The following SBNO1 variants were observed in gnomAD, a reference collection of about 807,000 sequenced individuals.
SBNO1 encodes protein strawberry notch homolog 1.
In SBNO1, 23 loss-of-function variants were observed where a neutral mutation model predicts 173.6. That is an observed-to-expected ratio of 0.13 (90% CI 0.10 to 0.19). The LOEUF is 0.19. SBNO1 is among the 10% of genes least tolerant of loss of function. The pLI is 1.00. For missense variants in SBNO1, 1,238 were observed against 1,671.2 expected, an observed-to-expected ratio of 0.74 and a Z score of 4.52; for synonymous variants, 632 against 571.5, an observed-to-expected ratio of 1.11 and a Z score of -1.51.
In SBNO1 at chr12:123,296,012, T is replaced by A; in HGVS notation, c.4078A>T (p.Asn1360Tyr). 2 of 1,613,918 alleles carry A rather than the reference T, an allele frequency of 1.2e-6. No individual in the cohort carries two copies. The highest frequency in any genetic ancestry group is 1.7e-6 in the Non-Finnish European group (2 of 1,179,848). The change falls in exon 32 of 32, where the codon AAT becomes TAT. Residue 1360 changes from asparagine (N) to tyrosine (Y), a missense_variant. This residue lies in a region of SBNO1 where 351 missense variants were observed against 420.3 expected (regional missense o/e 0.84). Transcript: ENST00000602398. ...IPANCVSPLV[N>Y]LLSTSDQSQQ... The stretch of plus-strand genomic sequence containing the variant: ...GACTGGTCTGAAGTTGATAGGAGAT[T>A]TACAAGAGGAGACACACAATTTGCC...
At chr12:123,341,266 T>C (rs531530647) in intron 4 of SBNO1, among the ~76,000 whole-genome samples, 178 bp from the exon 5 acceptor site, 101 of 151,970 alleles carry the variant, frequency 6.6e-4, no homozygotes, top group Admixed American at 4.9e-3. Flanking sequence ...CTGGCCAAGA[T>C]TGTGAAACCG....
At chr12:123,333,022 G>T (rs12824685) in intron 7 of SBNO1, among the ~76,000 whole-genome samples, 23,440 of 152,088 alleles carry the variant, frequency 0.15, 2,304 homozygotes, top group Middle Eastern at 0.26. Context: ...TACTCGGGAG[G>T]CTGAGGCAGA....
chr12:123,315,239 AG>A, intron 23 of SBNO1, 133 bp downstream of exon 23: 1 of 651,792 alleles, frequency 1.5e-6, no homozygotes, highest in African/African-American at 1.8e-5. Context: ...TCTGTCTTAT[AG>A]GAAGCCATGA....
rs373643335 is a variant in SBNO1, at chr12:123,346,682, G to C, written c.238-1112C>G. Among the ~76,000 whole-genome samples the C allele has an allele frequency of 4.0e-5, 6 of 150,982 alleles. No homozygotes were observed. In the South Asian group the frequency reaches 6.3e-4, roughly 16 times the overall value. Reference sequence around the variant, plus strand: ...CCATCTCAAAAAATAAAAAATAAAAGAATAAAAATAATAAAGTCTACTATT... The same window carrying C: ...CCATCTCAAAAAATAAAAAATAAAACAATAAAAATAATAAAGTCTACTATT... On this transcript the variant is annotated intron_variant, in intron 3 of 31. Coordinates refer to ENST00000602398, the MANE Select transcript of SBNO1 (RefSeq NM_001167856.3).
At chr12:123,331,441 A>G in intron 7 of SBNO1, 66 bp from the exon 8 acceptor site, 1 of 1,440,754 alleles carries the variant, frequency 6.9e-7, no homozygotes, top group Non-Finnish European at 9.4e-7. Context: ...TCTTTCATAC[A>G]CTGTTTTAGG....
In SBNO1 at chr12:123,293,258, T is replaced by G. The variant is rs1210231159; in HGVS notation, c.*2650A>C. 6.6e-6 allele frequency: 1 copy of G among 152,158 alleles called. No homozygotes were observed. The highest frequency in any genetic ancestry group is 1.5e-5 in the Non-Finnish European group (1 of 68,056). 9.4% of individuals were successfully genotyped at this position (152,158 alleles called of 1,614,324 possible). On this transcript the variant is annotated 3_prime_UTR_variant, in exon 32 of 32. Coordinates refer to ENST00000602398, the MANE Select transcript of SBNO1 (RefSeq NM_001167856.3). ...TTGTATTTTTTGGTACAGATGGGGT[T>G]TTGCCATGTGGACCAGGCTGGTCTC...
chr12:123,312,341 T>A (rs1868683524), intron 24 of SBNO1, among the ~76,000 whole-genome samples: 1 of 152,184 alleles, frequency 6.6e-6, no homozygotes, highest in African/African-American at 2.4e-5. Context: ...TGAACACCTC[T>A]AACTGGTATG....
In SBNO1 at chr12:123,295,132, T is replaced by C. The variant is rs550241982; in HGVS notation, c.*776A>G. 1.3e-5 allele frequency: 2 copies of C among 152,274 alleles called. No individual in the cohort carries two copies. Among genetic ancestry groups the C allele is most frequent in the African/African-American group, 4.8e-5 (2 of 41,556 alleles). 9.4% of individuals were successfully genotyped at this position (152,274 alleles called of 1,614,324 possible). On this transcript the variant is annotated 3_prime_UTR_variant, in exon 32 of 32. Transcript: ENST00000602398. ...ACTATTAATACATTAAAATTAACTT[T>C]TAAGAGTTTTATCACAGAAAAATGT... is the stretch of plus-strand genomic sequence containing the variant.
chr12:123,363,048 T>C (rs1442017343), intron 1 of SBNO1, among the ~76,000 whole-genome samples: 1 of 152,152 alleles, frequency 6.6e-6, no homozygotes, highest in African/African-American at 2.4e-5. Flanking sequence ...ACCACGTCAC[T>C]GCACTTCAGC....
intron 7 of SBNO1, 104 bp downstream of exon 7, chr12:123,333,943 ATTACAT>A: frequency 1.5e-6 from 1 of 652,266 alleles, no homozygotes; most frequent in Non-Finnish European, 2.4e-6. Flanking sequence ...TTTCATAAAT[ATTACAT>A]TTACAAGGTT....
At position 123,345,315 on chromosome 12, in the gene SBNO1, C is replaced by T. The variant is rs768699978; in HGVS notation, c.493G>A (p.Glu165Lys). Residue 165 changes from glutamate (E) to lysine (K), a missense_variant, in exon 4 of 32, where the codon GAA (glutamate) becomes AAA (lysine). Glu to Lys is a moderately conservative substitution (Grantham distance 56, BLOSUM62 1). Transcript: ENST00000602398. ...GCAGGTGGCTTTAGTTTCATCAGTT[C>T]ATTAAGACTATTATTTTTCAGTAGA... is the stretch of plus-strand genomic sequence containing the variant. ...KDLLKNNSLNELMKLKPPANI... is the reference protein window; with the variant it reads ...KDLLKNNSLNKLMKLKPPANI... 3.7e-6 allele frequency: 6 copies of T among 1,614,034 alleles called. No individual in the cohort carries two copies.
chr12:123,331,955 T>A (rs927887993), intron 7 of SBNO1, among the ~76,000 whole-genome samples: 1 of 151,852 alleles, frequency 6.6e-6, no homozygotes. Context: ...CTGTTCAAGC[T>A]ATTCTCCTGC....
chr12:123,300,917 C>G (rs1026875350), intron 30 of SBNO1, among the ~76,000 whole-genome samples: 29 of 149,910 alleles, frequency 1.9e-4, no homozygotes, highest in African/African-American at 6.9e-4. Context: ...TGAGATCGTG[C>G]CACTGCACTC....
At chr12:123,329,059 C>G (rs905119468) in intron 9 of SBNO1, among the ~76,000 whole-genome samples, 164 bp from the exon 10 acceptor site, 2 of 152,162 alleles carry the variant, frequency 1.3e-5, no homozygotes, top group Non-Finnish European at 1.5e-5. Context: ...ATGTACACAA[C>G]ACAAACACAC....
chr12:123,314,340 T>G (rs1869006515), intron 23 of SBNO1, among the ~76,000 whole-genome samples: 1 of 150,360 alleles, frequency 6.7e-6, no homozygotes, highest in Non-Finnish European at 1.5e-5. Context: ...CTAAATTTTT[T>G]TTTTCTTTGA....
At position 123,320,665 on chromosome 12, in the gene SBNO1, C is replaced by T. The variant is rs780918396; in HGVS notation, c.2491+34G>A. On this transcript the variant is annotated intron_variant, in intron 18 of 31. Coordinates refer to ENST00000602398, the MANE Select transcript of SBNO1 (RefSeq NM_001167856.3). Reference sequence around the variant, plus strand: ...AAAGTTTAAATATTTTTGTTTAAAACAGTATTTCAAAAAGGAAGTTTCTGT... The same window carrying T: ...AAAGTTTAAATATTTTTGTTTAAAATAGTATTTCAAAAAGGAAGTTTCTGT... 4 of 1,595,016 alleles carry T rather than the reference C, an allele frequency of 2.5e-6. No homozygotes were observed. The African/African-American group carries it at 5.4e-5, about 22-fold the overall frequency.
intron 28 of SBNO1, among the ~76,000 whole-genome samples, chr12:123,307,317 A>T (rs996513008): frequency 6.6e-6 from 1 of 152,186 alleles, no homozygotes; most frequent in Non-Finnish European, 1.5e-5. Context: ...TGGCACTCCT[A>T]AACTGAAGTA....
intron 1 of SBNO1, among the ~76,000 whole-genome samples, chr12:123,354,513 G>A (rs1314818140): frequency 1.3e-5 from 2 of 152,048 alleles, no homozygotes; most frequent in East Asian, 3.8e-4. Flanking sequence ...GACAGAGAGA[G>A]AACATCTATC....
rs1004131335 is a variant in SBNO1, at chr12:123,340,895, A to T, written c.651+93T>A. 3 of 778,798 alleles carry T rather than the reference A, an allele frequency of 3.9e-6. No homozygotes were observed. The African/African-American group carries it at 5.4e-5, about 14-fold the overall frequency. 48.2% of individuals were successfully genotyped at this position (778,798 alleles called of 1,614,324 possible). On this transcript the variant is annotated intron_variant, in intron 5 of 31. Transcript: ENST00000602398. ...TGTATAGCTTCTTCCCAACCCAAAA[A>T]CAGCTTTCTGAGGGTTGTTCCATAT...
Sources: gnomAD v4.1 joint callset for allele counts (sites outside exome capture counted in the v4.1 genomes callset) on GRCh38, gnomAD v4.1.1 for gene constraint, gnomAD v4.1.1 regional missense constraint, MANE v1.5 for transcripts, NCBI Gene and HGNC (gene_info 2026-07-23, HGNC 2026-07-21) for gene names.